The following ITK variants were observed in gnomAD, a reference collection of about 807,000 sequenced individuals.
ITK encodes tyrosine-protein kinase ITK/TSK.
Under a neutral mutation model 87.6 loss-of-function variants are expected in ITK, and 45 were observed. The ratio of observed to expected loss-of-function variants is 0.51; its 90% CI spans 0.40 to 0.66. The LOEUF (loss-of-function observed/expected upper bound fraction) is 0.66, where lower values mean the gene tolerates loss of function less well. ITK is among the 30% of genes least tolerant of loss of function. The probability of loss-of-function intolerance (pLI) is 0.00; values close to 1 mark genes in which losing one functional copy is unlikely to be tolerated. For synonymous variants in ITK, 303 were observed against 273.6 expected (o/e 1.11, Z -1.06); for missense variants, 605 against 766.3 (o/e 0.79, Z 2.48).
intron 1 of ITK, among the ~76,000 whole-genome samples, chr5:157,193,094 C>T (rs898878675): frequency 3.3e-5 from 5 of 152,146 alleles, no homozygotes; most frequent in African/African-American, 1.2e-4. Context: ...TGGTTGTGCA[C>T]ACCTATAGTC....
chr5:157,222,840 G>T, intron 5 of ITK, 23 bp from the exon 6 acceptor site: 1 of 1,613,796 alleles, frequency 6.2e-7, no homozygotes, highest in Non-Finnish European at 8.5e-7. Flanking sequence ...TCTTTGCTTG[G>T]TTTTGTTGTC....
rs1753613714 is a variant in ITK at position 157,185,039 on chromosome 5, C to T, written c.138+3924C>T. Among the ~76,000 whole-genome samples, 5 of 152,128 alleles carry T rather than the reference C, an allele frequency of 3.3e-5. No homozygotes were observed. In the South Asian group the frequency reaches 1.0e-3, roughly 31 times the overall value. ...GTCTTATCTAGCAACAGAACCATCTCCTGCTTGCAGCAAGCATCCTTTCTA... is the reference window on the plus strand; with the variant it reads ...GTCTTATCTAGCAACAGAACCATCTTCTGCTTGCAGCAAGCATCCTTTCTA... On this transcript the variant is annotated intron_variant, in intron 1 of 16. Coordinates refer to ENST00000422843, the MANE Select transcript of ITK (RefSeq NM_005546.4).
At chr5:157,225,204 G>A (rs575309609) in intron 6 of ITK, among the ~76,000 whole-genome samples, 4 of 151,986 alleles carry the variant, frequency 2.6e-5, no homozygotes, top group East Asian at 1.9e-4. Context: ...TATGTTGCCC[G>A]GGCTTGTCTC....
chr5:157,187,664 T>C (rs1580872771), intron 1 of ITK, among the ~76,000 whole-genome samples: 1 of 152,166 alleles, frequency 6.6e-6, no homozygotes, highest in Non-Finnish European at 1.5e-5. Context: ...GAAAGGCACA[T>C]GTAGGAACTA....
chr5:157,191,569 A>T (rs1727050220), intron 1 of ITK, among the ~76,000 whole-genome samples: 1 of 152,222 alleles, frequency 6.6e-6, no homozygotes, highest in South Asian at 2.1e-4. Flanking sequence ...ATGCAGATGT[A>T]TCTTTTGCAG....
intron 8 of ITK, among the ~76,000 whole-genome samples, chr5:157,234,169 CG>C: frequency 6.6e-6 from 1 of 150,882 alleles, no homozygotes; most frequent in Non-Finnish European, 1.5e-5. Context: ...TTACTAGAGA[CG>C]GGGTGTCGCC....
chr5:157,192,906 T>A (rs1292947876), intron 1 of ITK, among the ~76,000 whole-genome samples: 1 of 152,194 alleles, frequency 6.6e-6, no homozygotes, highest in Non-Finnish European at 1.5e-5. Flanking sequence ...TTGGACTGAA[T>A]GATTTCTAAA....
intron 9 of ITK, among the ~76,000 whole-genome samples, chr5:157,239,645 A>G (rs746931415): frequency 1.3e-5 from 2 of 152,214 alleles, no homozygotes; most frequent in South Asian, 2.1e-4. Flanking sequence ...TAAGGAGGGT[A>G]GTCAGGCCTG....
At chr5:157,221,996 A>AG (rs1754428081) in intron 5 of ITK, among the ~76,000 whole-genome samples, 1 of 152,108 alleles carries the variant, frequency 6.6e-6, no homozygotes. Context: ...CTTAAAAAAA[A>AG]AAATCCGATC....
intron 5 of ITK, among the ~76,000 whole-genome samples, chr5:157,219,280 T>C (rs1754364964): frequency 6.6e-6 from 1 of 151,828 alleles, no homozygotes; most frequent in African/African-American, 2.4e-5. Flanking sequence ...GCCCGGCTAA[T>C]TTTTGTATTT....
Position 157,222,922 on chromosome 5 carries a change from T to C in ITK, c.555T>C (p.Asn185=). 2 of 1,614,110 alleles carry C rather than the reference T, an allele frequency of 1.2e-6. No individual in the cohort carries two copies. The highest frequency in any genetic ancestry group is 1.7e-6 in the Non-Finnish European group (2 of 1,180,010). ...TTGCCTTATATGACTACCAAACCAA[T>C]GATCCTCAGGAACTCGCACTGCGGC... ...VVIALYDYQT[N]DPQELALRRN... The change falls in exon 6 of 17, where the codon AAT becomes AAC. Residue 185 remains asparagine (N), a synonymous_variant. Transcript: ENST00000422843.
Position 157,228,301 on chromosome 5 carries a change from A to T in ITK, c.653A>T (p.Glu218Val). 6.3e-7 allele frequency: 1 copy of T among 1,591,966 alleles called. No homozygotes were observed. The highest frequency in any genetic ancestry group is 2.2e-5 in the East Asian group (1 of 44,720). ...ATTAATTTTCCTTTTAACAGGCATG[A>T]AGGATATGTACCAAGCAGTTATCTG... ...WWRVQDRNGH[E>V]GYVPSSYLVE... The change falls in exon 7 of 17, where the codon GAA becomes GTA. Residue 218 changes from glutamate to valine, a missense_variant. By Grantham distance (121) the Glu-to-Val change is moderately radical (BLOSUM62 -2). Around this residue, in one of 3 missense-constraint regions of ITK, gnomAD observed 464 missense variants for 578.0 expected, o/e 0.80. Transcript: ENST00000422843.
chr5:157,198,556 G>GGA (rs1184470513), intron 1 of ITK, among the ~76,000 whole-genome samples: 2 of 152,146 alleles, frequency 1.3e-5, no homozygotes, highest in African/African-American at 4.8e-5. Context: ...GGATGGATCA[G>GGA]TTTCCTGGCT....
chr5:157,222,166 C>T (rs1354964997), intron 5 of ITK, among the ~76,000 whole-genome samples: 1 of 152,186 alleles, frequency 6.6e-6, no homozygotes, highest in African/African-American at 2.4e-5. Flanking sequence ...CCTACATTTA[C>T]TCTCACAAAG....
chr5:157,200,261 A>G (rs1454459994), intron 1 of ITK, among the ~76,000 whole-genome samples: 3 of 148,086 alleles, frequency 2.0e-5, no homozygotes, highest in South Asian at 4.3e-4. Flanking sequence ...GACTATGAGG[A>G]TGGCATATCT....
chr5:157,242,870 G>A (rs1003760294), intron 11 of ITK, among the ~76,000 whole-genome samples: 4 of 152,214 alleles, frequency 2.6e-5, no homozygotes, highest in Non-Finnish European at 5.9e-5. Context: ...CCAGCACCGT[G>A]TCCGGCACAC....
chr5:157,223,416 T>C (rs1366145244), intron 6 of ITK, among the ~76,000 whole-genome samples: 1 of 152,178 alleles, frequency 6.6e-6, no homozygotes, highest in Non-Finnish European at 1.5e-5. Flanking sequence ...AAAGAAAATG[T>C]GTGTATAGAG....
intron 11 of ITK, among the ~76,000 whole-genome samples, chr5:157,242,650 G>C (rs1275770388): frequency 1.3e-5 from 2 of 152,028 alleles, no homozygotes; most frequent in Non-Finnish European, 2.9e-5. Context: ...GTAGAGACAG[G>C]GTCTCACTAT....
chr5:157,245,890 G>A lies in ITK; in HGVS notation c.1524G>A (p.Leu508=), dbSNP rs1416245185. The change falls in exon 15 of 17, where the codon CTG becomes CTA. Residue 508 remains leucine, a synonymous_variant. Coordinates refer to ENST00000422843, the MANE Select transcript of ITK (RefSeq NM_005546.4). ...TCCACTCTCTTCCCAGGTTCGTTCT[G>A]GATGATCAGTACACCAGTTCCACAG... ...VSDFGMTRFV[L]DDQYTSSTGT... The A allele has an allele frequency of 1.9e-6, 3 of 1,613,858 alleles. No individual in the cohort carries two copies. Among genetic ancestry groups the A allele is most frequent in the African/African-American group, 1.3e-5 (1 of 74,932 alleles).
Sources: allele counts gnomAD v4.1 joint callset (sites outside exome capture counted in the v4.1 genomes callset), GRCh38; gene constraint gnomAD v4.1.1; regional missense constraint gnomAD v4.1.1; transcripts MANE v1.5; gene names NCBI Gene and HGNC (gene_info 2026-07-23, HGNC 2026-07-21).